The following SRGAP1 variants were observed in gnomAD, a reference collection of about 807,000 sequenced individuals.
The protein encoded by SRGAP1 is SLIT-ROBO Rho GTPase-activating protein 1.
Under a neutral mutation model 121.9 loss-of-function variants are expected in SRGAP1, and 43 were observed. The ratio of observed to expected loss-of-function variants is 0.35; its 90% confidence interval spans 0.28 to 0.46. The LOEUF (loss-of-function observed/expected upper bound fraction) is 0.46, where lower values mean the gene tolerates loss of function less well. Among genes scored for constraint, SRGAP1 ranks in the 20% least tolerant of loss-of-function variants. The pLI is 1.00. For synonymous variants in SRGAP1, 447 were observed against 485.4 expected (o/e 0.92, Z 1.04); for missense variants, 1,102 against 1,350.9 (o/e 0.82, Z 2.89).
At chr12:63,904,109 C>G (rs2030078393) in intron 1 of SRGAP1, among the ~76,000 whole-genome samples, 1 of 152,224 alleles carries the variant, frequency 6.6e-6, no homozygotes, top group Admixed American at 6.5e-5. Context: ...GAGATAACTC[C>G]CACCCTGAAT....
Position 64,142,352 on chromosome 12 carries a change from A to G in SRGAP1, c.2938A>G (p.Ser980Gly). The stretch of plus-strand genomic sequence containing the variant: ...TGAACTCCGAGAACTGGAGAGACAG[A>G]GCACAGCAAAGCATGCCCCTGATGT... ...LNELRELERQ[S>G]TAKHAPDVVL... is the part of the protein sequence containing the mutation. The change falls in exon 22 of 22, where the codon AGC becomes GGC. Residue 980 changes from serine to glycine, a missense_variant. Transcript: ENST00000355086. The G allele has an allele frequency of 1.2e-6, 2 of 1,614,148 alleles. No individual in the cohort carries two copies. Among genetic ancestry groups the G allele is most frequent in the Non-Finnish European group, 1.7e-6 (2 of 1,180,014 alleles).
chr12:64,114,371 C>G (rs1179626642), intron 17 of SRGAP1, among the ~76,000 whole-genome samples: 2 of 99,452 alleles, frequency 2.0e-5, no homozygotes, highest in African/African-American at 7.8e-5. Context: ...GACAGAGTTT[C>G]ACTCTGTTGC....
chr12:64,152,219 C>T lies in SRGAP1; in HGVS notation c.*9547C>T, dbSNP rs889826933. 1.3e-5 allele frequency: 2 copies of T among 152,138 alleles called. No homozygotes were observed. The highest frequency in any genetic ancestry group is 2.4e-5 in the African/African-American group (1 of 41,408). The allele number at this position is 152,138 out of a possible 1,614,324, so 9.4% of individuals were successfully genotyped here. A position where few individuals can be genotyped will look rare whatever the true frequency, so the allele number is the denominator to read the frequency against. ...ACCCTCATAAGAAAGCCAAGAGAGC[C>T]ACAGTTATTATCATCATCTTTATCC... is the stretch of plus-strand genomic sequence containing the variant. On this transcript the variant is annotated 3_prime_UTR_variant, in exon 22 of 22. Transcript: ENST00000355086.
chr12:64,148,820 C>T lies in SRGAP1; in HGVS notation c.*6148C>T, dbSNP rs1422134260. ...AGCTGACACACTGATGTATCCACCA[C>T]CCAGTTTAAGCAATAGCACATTATC... On this transcript the variant is annotated 3_prime_UTR_variant, in exon 22 of 22. Coordinates refer to ENST00000355086, the MANE Select transcript of SRGAP1 (RefSeq NM_020762.4). The T allele has an allele frequency of 1.3e-5, 2 of 152,204 alleles. No individual in the cohort carries two copies. Among genetic ancestry groups the T allele is most frequent in the Non-Finnish European group, 2.9e-5 (2 of 68,036 alleles). The allele number at this position is 152,204 out of a possible 1,614,324, so 9.4% of individuals were successfully genotyped here. A position where few individuals can be genotyped will look rare whatever the true frequency, so the allele number is the denominator to read the frequency against.
intron 1 of SRGAP1, among the ~76,000 whole-genome samples, chr12:63,948,095 T>C (rs746263382): frequency 2.0e-5 from 3 of 152,178 alleles, no homozygotes; most frequent in Non-Finnish European, 2.9e-5. Flanking sequence ...ATATAAGGAA[T>C]TATGTCAGGT....
At position 63,861,302 on chromosome 12, in the gene SRGAP1, A is replaced by ATATTTT. The variant is rs1184711599; in HGVS notation, c.67+16420_67+16421insATTTTT. On this transcript the variant is annotated intron_variant, in intron 1 of 21. Coordinates refer to ENST00000355086, the MANE Select transcript of SRGAP1 (RefSeq NM_020762.4). ...GGATGGTAGGCATATATATATATAT[A>ATATTTT]TTTTTTTTTTTTTTTGAGGCAAAGT... 2.9e-4 allele frequency among the ~76,000 whole-genome samples: 38 copies of ATATTTT among 132,628 alleles called. No individual in the cohort carries two copies. In the East Asian group the frequency reaches 8.2e-3, roughly 29 times the overall value. The allele number at this position is 132,628 out of a possible 152,430, so 87.0% of individuals were successfully genotyped here. A position where few individuals can be genotyped will look rare whatever the true frequency, so the allele number is the denominator to read the frequency against.
intron 21 of SRGAP1, among the ~76,000 whole-genome samples, chr12:64,139,634 G>A (rs1247957625): frequency 1.3e-5 from 2 of 151,832 alleles, no homozygotes; most frequent in South Asian, 4.2e-4. Flanking sequence ...GTAGATTCTG[G>A]ATATTAGCCC....
Position 63,919,499 on chromosome 12 carries a change from C to CATATATATATATATATATATATAT in SRGAP1, c.68-64425_68-64424insTATATATATATATATATATATATA, listed in dbSNP as rs10570691. 5.8e-4 allele frequency among the ~76,000 whole-genome samples: 78 copies of CATATATATATATATATATATATAT among 134,118 alleles called. 1 individual carries two copies. Among genetic ancestry groups the CATATATATATATATATATATATAT allele is most frequent in the African/African-American group, 2.2e-3 (71 of 32,554 alleles). The allele number at this position is 134,118 out of a possible 152,430, so 88.0% of individuals were successfully genotyped here. ...TTTTAATTGTTTTAACTTAACATTA[C>CATATATATATATATATATATATAT]ATATATATATATATATATATATACA... On this transcript the variant is annotated intron_variant, in intron 1 of 21. Transcript: ENST00000355086.
At chr12:63,852,631 G>A (rs1328533348) in intron 1 of SRGAP1, among the ~76,000 whole-genome samples, 1 of 152,178 alleles carries the variant, frequency 6.6e-6, no homozygotes, top group Admixed American at 6.5e-5. Context: ...GTTTTAAATT[G>A]TCTCTACCTC....
At chr12:63,858,850 G>A (rs546986926) in intron 1 of SRGAP1, among the ~76,000 whole-genome samples, 122 of 152,102 alleles carry the variant, frequency 8.0e-4, no homozygotes, top group Middle Eastern at 3.4e-3. Flanking sequence ...TTACGGGTGC[G>A]TGCCACCATG....
intron 1 of SRGAP1, among the ~76,000 whole-genome samples, chr12:63,895,713 G>A (rs143024050): frequency 4.2e-4 from 64 of 152,282 alleles, no homozygotes; most frequent in African/African-American, 1.4e-3. Context: ...TACAATGTCC[G>A]TAAAATGCTT....
chr12:63,871,774 A>T, intron 1 of SRGAP1: 1 of 1,261,082 alleles, frequency 7.9e-7, no homozygotes, highest in Admixed American at 1.7e-5. Context: ...CTTTTCTTAT[A>T]TCCTCCCAGT....
chr12:63,932,998 G>A (rs1038417020), intron 1 of SRGAP1, among the ~76,000 whole-genome samples: 3 of 152,128 alleles, frequency 2.0e-5, no homozygotes, highest in Non-Finnish European at 1.5e-5. Context: ...GACCATCCTG[G>A]CCAACATGGT....
chr12:64,098,327 C>G (rs954442618), intron 15 of SRGAP1, among the ~76,000 whole-genome samples: 5 of 151,838 alleles, frequency 3.3e-5, no homozygotes, highest in South Asian at 2.1e-4. Flanking sequence ...ACCCCTACCC[C>G]CTGGCCCTGC....
chr12:63,948,478 T>G (rs868543101), intron 1 of SRGAP1, among the ~76,000 whole-genome samples: 2 of 152,176 alleles, frequency 1.3e-5, no homozygotes, highest in South Asian at 4.1e-4. Flanking sequence ...CATCTCTGTC[T>G]TGGGATATCC....
rs1351736963 is a variant in SRGAP1 at position 64,161,994 on chromosome 12, T to C, written c.*19322T>C. 1 of 152,194 alleles carries C rather than the reference T, an allele frequency of 6.6e-6. No homozygotes were observed. The highest frequency in any genetic ancestry group is 1.5e-5 in the Non-Finnish European group (1 of 68,032). 9.4% of individuals were successfully genotyped at this position (152,194 alleles called of 1,614,324 possible). A position where few individuals can be genotyped will look rare whatever the true frequency, so the allele number is the denominator to read the frequency against. ...CCACATATTGTGTATATTTTATCCA[T>C]AAGAAATGTTCAGAATAGGCAAATC... On this transcript the variant is annotated 3_prime_UTR_variant, in exon 22 of 22. Transcript: ENST00000355086.
intron 1 of SRGAP1, among the ~76,000 whole-genome samples, chr12:63,941,104 G>A (rs983069482): frequency 6.6e-6 from 1 of 151,562 alleles, no homozygotes; most frequent in South Asian, 2.1e-4. Context: ...TGGTAAATAA[G>A]ATATTTAAGG....
intron 1 of SRGAP1, among the ~76,000 whole-genome samples, chr12:63,851,903 A>G (rs984305158): frequency 2.0e-5 from 3 of 151,908 alleles, no homozygotes; most frequent in East Asian, 1.9e-4. Flanking sequence ...TGAGGAAAAC[A>G]TTTATCACAG....
At chr12:63,930,352 A>AT (rs1491489094) in intron 1 of SRGAP1, among the ~76,000 whole-genome samples, 1 of 142,244 alleles carries the variant, frequency 7.0e-6, no homozygotes, top group Non-Finnish European at 1.5e-5. Flanking sequence ...AAAAAAAAAA[A>AT]GGGGAGCCCT....
Sources: allele counts gnomAD v4.1 joint callset (sites outside exome capture counted in the v4.1 genomes callset), GRCh38; gene constraint gnomAD v4.1.1; transcripts MANE v1.5; gene names NCBI Gene and HGNC (gene_info 2026-07-23, HGNC 2026-07-21).